TUBB8: variants seen among roughly 807,000 people sequenced by gnomAD.
TUBB8 encodes the protein tubulin beta 8 class VIII.
A neutral mutation model predicts 33.7 loss-of-function variants in TUBB8; 25 were observed. The ratio of observed to expected loss-of-function variants is 0.74; its 90% CI spans 0.54 to 1.04. The LOEUF (loss-of-function observed/expected upper bound fraction) is 1.04, where lower values mean the gene tolerates loss of function less well. Ranked by LOEUF, TUBB8 falls within the 50% of genes least tolerant of loss-of-function variation. TUBB8 has a pLI of 0.00. For synonymous variants in TUBB8, 245 were observed against 240.1 expected (o/e 1.02, Z -0.19); for missense variants, 279 against 608.0 (o/e 0.46, Z 5.69).
chr10:48,224 G>A (rs556286444), intron 3 of TUBB8, 110 bp from the exon 4 acceptor site: 16 of 1,048,716 alleles, frequency 1.5e-5, no homozygotes, highest in South Asian at 8.0e-5. Flanking sequence ...AGCACCGTTC[G>A]CCCTGCAGGT....
chr10:74,841 C>A (rs371125007), upstream of TUBB8, among the ~76,000 whole-genome samples: 1 of 148,072 alleles, frequency 6.8e-6, no homozygotes, highest in Non-Finnish European at 1.5e-5. Context: ...ACCTGAGCAA[C>A]GTAAAGATCC....
upstream of TUBB8, among the ~76,000 whole-genome samples, chr10:74,401 C>T (rs1434299997): frequency 1.3e-5 from 2 of 149,426 alleles, 1 homozygote. Context: ...CCGAGTCGGG[C>T]GGATCACTCG....
upstream of TUBB8, among the ~76,000 whole-genome samples, chr10:53,219 C>A (rs572067625): frequency 6.6e-6 from 1 of 152,308 alleles, no homozygotes; most frequent in African/African-American, 2.4e-5. Context: ...CGTCTGCCTC[C>A]CAGGTTCAAG....
chr10:76,596 C>A (rs1435189971), upstream of TUBB8, among the ~76,000 whole-genome samples: 1 of 151,076 alleles, frequency 6.6e-6, no homozygotes, highest in Admixed American at 6.6e-5. Context: ...TCACAGTGGA[C>A]GCCCCACGCC....
Position 71,896 on chromosome 10 carries a change from C to A in TUBB8, c.-846+2073G>T, listed in dbSNP as rs561932162. Among the ~76,000 whole-genome samples, 78 of 149,544 alleles carry A rather than the reference C, an allele frequency of 5.2e-4. 1 individual carries two copies. The South Asian group carries it at 0.016, about 31-fold the overall frequency. The stretch of plus-strand genomic sequence containing the variant: ...CCGCACTCCAGCCTGGGTGATAGAG[C>A]AAGACCTTCTCTCTTAAAAAAAAAA... On this transcript the variant is annotated intron_variant, in intron 1 of 3. Coordinates refer to the TUBB8 transcript ENST00000564130.
intron 1 of TUBB8, among the ~76,000 whole-genome samples, chr10:72,642 G>A (rs1203895432): frequency 6.6e-6 from 1 of 152,040 alleles, no homozygotes; most frequent in African/African-American, 2.4e-5. Flanking sequence ...CACGAGGTCA[G>A]AAGTTCAAGA....
chr10:47,357 G>A lies in TUBB8; in HGVS notation c.1035C>T (p.Leu345=), dbSNP rs1214919277. ...AGACGGCTGTTTTTACGTTGTTGGG[G>A]AGCCAGTCAGCAAAGTAACTGCTGT... ...DKNSSYFADW[L]PNNVKTAVCD... Residue 345 remains leucine, a synonymous_variant, in exon 4 of 4, where the codon CTC becomes CTT. Transcript: ENST00000568584. 3 of 1,612,962 alleles carry A rather than the reference G, an allele frequency of 1.9e-6. No individual in the cohort carries two copies. Among genetic ancestry groups the A allele is most frequent in the African/African-American group, 2.7e-5 (2 of 74,900 alleles).
intron 1 of TUBB8, among the ~76,000 whole-genome samples, chr10:63,323 G>A (rs562552626): frequency 8.9e-4 from 136 of 152,280 alleles, no homozygotes; most frequent in African/African-American, 3.0e-3. Context: ...TGATCCACCC[G>A]CCTCGGCCTC....
intron 1 of TUBB8, among the ~76,000 whole-genome samples, chr10:71,708 C>G (rs1834738449): frequency 6.6e-6 from 1 of 151,884 alleles, no homozygotes; most frequent in Non-Finnish European, 1.5e-5. Flanking sequence ...GTAAGGATCA[C>G]TTGAGCCCAG....
At chr10:70,151 A>C (rs1240248883) in intron 1 of TUBB8, among the ~76,000 whole-genome samples, 1 of 152,228 alleles carries the variant, frequency 6.6e-6, no homozygotes, top group Non-Finnish European at 1.5e-5. Flanking sequence ...TTAGACAGGA[A>C]TTATTTTAAA....
intron 1 of TUBB8, among the ~76,000 whole-genome samples, chr10:64,149 T>A (rs1834636863): frequency 1.3e-5 from 2 of 152,074 alleles, no homozygotes; most frequent in South Asian, 2.1e-4. Flanking sequence ...TGGGGTAACA[T>A]AAGCACCCCT....
chr10:74,676 G>GA (rs1834786377), upstream of TUBB8, among the ~76,000 whole-genome samples: 1 of 146,004 alleles, frequency 6.8e-6, no homozygotes, highest in Admixed American at 6.8e-5. Context: ...TAGAAAGAAG[G>GA]AAAAAAGAAG....
chr10:55,772 A>G (rs1245615652), intron 1 of TUBB8, among the ~76,000 whole-genome samples: 1 of 152,246 alleles, frequency 6.6e-6, no homozygotes, highest in African/African-American at 2.4e-5. Context: ...TGTTATCAAC[A>G]CTTTTGTTCA....
intron 1 of TUBB8, among the ~76,000 whole-genome samples, chr10:62,635 A>G (rs1834617881): frequency 1.3e-5 from 2 of 152,110 alleles, no homozygotes; most frequent in Non-Finnish European, 2.9e-5. Flanking sequence ...TTTTTCTTTC[A>G]GGCTAAGAAC....
At chr10:51,948 G>C (rs1404479495), upstream of TUBB8, among the ~76,000 whole-genome samples, 2 of 152,200 alleles carry the variant, frequency 1.3e-5, no homozygotes, top group Non-Finnish European at 2.9e-5. Context: ...CTGCCTCCAG[G>C]CTACTGCAAA....
upstream of TUBB8, chr10:49,754 A>G: frequency 2.8e-6 from 1 of 362,492 alleles, no homozygotes; most frequent in Non-Finnish European, 5.4e-6. Flanking sequence ...ACCCACAATA[A>G]GCTATGGGTG....
At chr10:48,486 C>G (rs10904045) in intron 3 of TUBB8, 129 bp downstream of exon 3, 4 of 895,214 alleles carry the variant, frequency 4.5e-6, no homozygotes, top group Admixed American at 2.0e-5. Context: ...TTGAGCGACT[C>G]GACTCGGAGG....
chr10:51,928 T>C (rs1588274703), upstream of TUBB8, among the ~76,000 whole-genome samples: 1 of 152,314 alleles, frequency 6.6e-6, no homozygotes, highest in East Asian at 1.9e-4. Context: ...TTGGGGCCTC[T>C]TTCCTGGGGC....
At chr10:64,942 G>A (rs1264052198) in intron 1 of TUBB8, among the ~76,000 whole-genome samples, 5 of 141,362 alleles carry the variant, frequency 3.5e-5, no homozygotes, top group African/African-American at 1.3e-4. Context: ...CTTGAGACCA[G>A]CCTGGTCAAC....
Sources: allele counts gnomAD v4.1 joint callset (sites outside exome capture counted in the v4.1 genomes callset), GRCh38; gene constraint gnomAD v4.1.1; transcripts MANE v1.5; gene names NCBI Gene and HGNC (gene_info 2026-07-23, HGNC 2026-07-21).